ACADM: variants seen among roughly 807,000 people sequenced by gnomAD.
The protein encoded by ACADM is medium-chain specific acyl-CoA dehydrogenase, mitochondrial.
A neutral mutation model predicts 58.9 loss-of-function variants in ACADM; 49 were observed. That is an observed-to-expected ratio of 0.83 (90% CI 0.66 to 1.06). The LOEUF (loss-of-function observed/expected upper bound fraction) is 1.06, where lower values mean the gene tolerates loss of function less well. Ranked by LOEUF, ACADM falls within the 50% of genes least tolerant of loss-of-function variation. ACADM has a pLI of 0.00. For synonymous variants in ACADM, 160 were observed against 157.7 expected, an observed-to-expected ratio of 1.01 and a Z score of -0.11; for missense variants, 496 against 507.0, an observed-to-expected ratio of 0.98 and a Z score of 0.21.
At chr1:75,737,327 T>TATATGA (rs1491168235) in intron 6 of ACADM, among the ~76,000 whole-genome samples, 7 of 76,678 alleles carry the variant, frequency 9.1e-5, no homozygotes, top group African/African-American at 3.2e-4. Flanking sequence ...TATATATATA[T>TATATGA]GAAACCAAAA....
chr1:75,745,107 T>C lies in ACADM; in HGVS notation c.600-699T>C, dbSNP rs907016447. Reference sequence around the variant, plus strand: ...TTTTTTTCCTACACATATATACTTATTATAAAGTTTAATCTATAAAGTGGG... The same window carrying C: ...TTTTTTTCCTACACATATATACTTACTATAAAGTTTAATCTATAAAGTGGG... On this transcript the variant is annotated intron_variant, in intron 7 of 11. Coordinates refer to ENST00000370841, the MANE Select transcript of ACADM (RefSeq NM_000016.6). Among the ~76,000 whole-genome samples the C allele has an allele frequency of 3.3e-5, 5 of 152,192 alleles. No individual in the cohort carries two copies. In the East Asian group the frequency reaches 9.6e-4, roughly 29 times the overall value.
At position 75,744,651 on chromosome 1, in the gene ACADM, G is replaced by A; in HGVS notation, c.600-1155G>A. On this transcript the variant is annotated intron_variant, in intron 7 of 11. Coordinates refer to ENST00000370841, the MANE Select transcript of ACADM (RefSeq NM_000016.6). ...TAATGACAACCTTCCTGCTGTTAGG[G>A]TAACCTGGTCCCTGGCATAAGGAGA... The A allele has an allele frequency of 7.6e-6, 7 of 922,626 alleles. No homozygotes were observed. In the South Asian group the frequency reaches 9.0e-5, roughly 12 times the overall value. The allele number at this position is 922,626 out of a possible 1,614,324, so 57.2% of individuals were successfully genotyped here. A position where few individuals can be genotyped will look rare whatever the true frequency, so the allele number is the denominator to read the frequency against.
At chr1:75,731,675 C>G (rs980715701) in intron 2 of ACADM, among the ~76,000 whole-genome samples, 2 of 152,080 alleles carry the variant, frequency 1.3e-5, no homozygotes, top group Non-Finnish European at 2.9e-5. Context: ...TTTGAAAAAC[C>G]TTTCTACCAC....
chr1:75,737,312 A>ATATATATC (rs1647321126), intron 6 of ACADM, among the ~76,000 whole-genome samples: 1 of 109,882 alleles, frequency 9.1e-6, no homozygotes, highest in East Asian at 2.3e-4. Context: ...ATATATATAT[A>ATATATATC]TATATATATA....
At chr1:75,725,244 A>G (rs1349601283) in intron 1 of ACADM, among the ~76,000 whole-genome samples, 1 of 131,282 alleles carries the variant, frequency 7.6e-6, no homozygotes, top group Non-Finnish European at 1.6e-5. Context: ...CTTACGGGAA[A>G]AAAAAAAGTA....
chr1:75,742,542 C>T (rs1647638055), intron 7 of ACADM, among the ~76,000 whole-genome samples: 1 of 152,180 alleles, frequency 6.6e-6, no homozygotes, highest in Non-Finnish European at 1.5e-5. Flanking sequence ...GACCTCCCTT[C>T]CCTAATCTCT....
At chr1:75,757,521 A>C (rs1009579244) in intron 10 of ACADM, among the ~76,000 whole-genome samples, 1 of 152,232 alleles carries the variant, frequency 6.6e-6, no homozygotes, top group Non-Finnish European at 1.5e-5. Context: ...ATCTCATATC[A>C]TTTAGAATGG....
At chr1:75,750,769 G>A in intron 10 of ACADM, 1 of 530,106 alleles carries the variant, frequency 1.9e-6, no homozygotes, top group Non-Finnish European at 3.3e-6. Flanking sequence ...TTTTTTTTGA[G>A]ATGGAGTCTC....
chr1:75,742,763 A>G (rs1186291800), intron 7 of ACADM, among the ~76,000 whole-genome samples: 1 of 151,312 alleles, frequency 6.6e-6, no homozygotes. Flanking sequence ...CTCTCCTTCT[A>G]TGATGATTAC....
At chr1:75,744,396 G>C (rs528935766) in intron 7 of ACADM, 1 of 1,518,782 alleles carries the variant, frequency 6.6e-7, no homozygotes, top group Non-Finnish European at 9.1e-7. Flanking sequence ...CATCAGGTAC[G>C]AAAAGAGCTT....
intron 8 of ACADM, among the ~76,000 whole-genome samples, chr1:75,747,803 G>A (rs907611619): frequency 6.6e-6 from 1 of 152,136 alleles, no homozygotes; most frequent in Non-Finnish European, 1.5e-5. Context: ...CAAATCTTTT[G>A]TGTTTTAGAA....
rs1483272860 is a variant in ACADM at position 75,762,824 on chromosome 1, A to G, written c.*61A>G. Reference sequence around the variant, plus strand: ...CAAGCCACTGTTTCAGCTCCAGAAAAAAGAAAGGGCTTTAACGTTTTTTCC... The same window carrying G: ...CAAGCCACTGTTTCAGCTCCAGAAAGAAGAAAGGGCTTTAACGTTTTTTCC... On this transcript the variant is annotated 3_prime_UTR_variant, in exon 12 of 12. Coordinates refer to ENST00000370841, the MANE Select transcript of ACADM (RefSeq NM_000016.6). The G allele has an allele frequency of 3.7e-6, 4 of 1,068,700 alleles. No homozygotes were observed. Among genetic ancestry groups the G allele is most frequent in the Admixed American group, 4.0e-5 (2 of 50,144 alleles). The allele number at this position is 1,068,700 out of a possible 1,614,324, so 66.2% of individuals were successfully genotyped here. A position where few individuals can be genotyped will look rare whatever the true frequency, so the allele number is the denominator to read the frequency against.
intron 8 of ACADM, among the ~76,000 whole-genome samples, chr1:75,747,000 G>C (rs1647939149): frequency 6.6e-6 from 1 of 152,210 alleles, no homozygotes; most frequent in Admixed American, 6.5e-5. Context: ...TTTTCAATCA[G>C]ATATTAAAGG....
chr1:75,738,082 A>G (rs564021009), intron 6 of ACADM, among the ~76,000 whole-genome samples: 1 of 151,314 alleles, frequency 6.6e-6, no homozygotes, highest in South Asian at 2.1e-4. Flanking sequence ...ACGCCTGCCT[A>G]ATTTTTTGTA....
intron 8 of ACADM, among the ~76,000 whole-genome samples, chr1:75,748,759 T>G (rs1648036858): frequency 6.6e-6 from 1 of 152,206 alleles, no homozygotes; most frequent in South Asian, 2.1e-4. Flanking sequence ...GGTAACTTTT[T>G]GGGGTTCTAA....
chr1:75,738,554 A>G (rs1244185114), intron 6 of ACADM, among the ~76,000 whole-genome samples: 1 of 152,056 alleles, frequency 6.6e-6, no homozygotes, highest in African/African-American at 2.4e-5. Flanking sequence ...TAGTGCCCCT[A>G]TATATGCTTA....
chr1:75,747,053 A>C (rs1015556820), intron 8 of ACADM, among the ~76,000 whole-genome samples: 14 of 152,250 alleles, frequency 9.2e-5, no homozygotes, highest in African/African-American at 3.4e-4. Context: ...TGTATGTAAC[A>C]AAATATAAGA....
intron 9 of ACADM, 116 bp downstream of exon 9, chr1:75,749,675 T>C: frequency 1.0e-6 from 1 of 997,910 alleles, no homozygotes; most frequent in East Asian, 2.7e-5. Flanking sequence ...CTGCTTATTT[T>C]ATTAAGGATA....
intron 10 of ACADM, among the ~76,000 whole-genome samples, chr1:75,756,882 A>C (rs1208362040): frequency 2.0e-5 from 3 of 152,228 alleles, no homozygotes; most frequent in Non-Finnish European, 2.9e-5. Flanking sequence ...ATGGAACAGA[A>C]TAGAGCCCTT....
Sources: gnomAD v4.1 joint callset for allele counts (sites outside exome capture counted in the v4.1 genomes callset) on GRCh38, gnomAD v4.1.1 for gene constraint, MANE v1.5 for transcripts, NCBI Gene and HGNC (gene_info 2026-07-23, HGNC 2026-07-21) for gene names.